CLSTN2: variants seen among roughly 807,000 people sequenced by gnomAD.
The protein encoded by CLSTN2 is calsyntenin-2.
Under a neutral mutation model 101.2 loss-of-function variants are expected in CLSTN2, and 48 were observed. The observed-to-expected ratio is 0.47, with a 90% confidence interval of 0.38 to 0.60. CLSTN2 has a LOEUF of 0.60. CLSTN2 is among the 20% of genes least tolerant of loss of function. The pLI, the probability that CLSTN2 is intolerant of heterozygous loss-of-function variation, is 0.00. For synonymous variants in CLSTN2, 481 were observed against 463.6 expected, an observed-to-expected ratio of 1.04 and a Z score of -0.48; for missense variants, 1,160 against 1,238.2, an observed-to-expected ratio of 0.94 and a Z score of 0.95.
intron 1 of CLSTN2, among the ~76,000 whole-genome samples, chr3:140,108,685 G>T (rs2009102803): frequency 6.6e-6 from 1 of 152,176 alleles, no homozygotes. Flanking sequence ...TTGCTGAGAT[G>T]CAGCTTGTTT....
intron 2 of CLSTN2, among the ~76,000 whole-genome samples, chr3:140,313,392 G>A (rs1384627398): frequency 1.3e-5 from 2 of 152,168 alleles, no homozygotes; most frequent in East Asian, 1.9e-4. Context: ...GAGGCTAAAA[G>A]GGGAGGAATT....
chr3:140,388,422 C>T (rs1293449894), intron 2 of CLSTN2, among the ~76,000 whole-genome samples: 1 of 152,164 alleles, frequency 6.6e-6, no homozygotes, highest in Non-Finnish European at 1.5e-5. Context: ...TGCTTTGTCC[C>T]CAGTGGACAA....
chr3:139,998,013 A>G (rs1377439705), intron 1 of CLSTN2, among the ~76,000 whole-genome samples: 1 of 152,208 alleles, frequency 6.6e-6, no homozygotes, highest in Non-Finnish European at 1.5e-5. Flanking sequence ...CTTCCCAGTC[A>G]GAGGTATATC....
chr3:140,214,237 CA>C (rs1353573017), intron 2 of CLSTN2, among the ~76,000 whole-genome samples: 9 of 151,972 alleles, frequency 5.9e-5, no homozygotes, highest in African/African-American at 1.9e-4. Flanking sequence ...GTCAAGAGTT[CA>C]AAACCAGCTT....
intron 2 of CLSTN2, among the ~76,000 whole-genome samples, chr3:140,293,535 A>G (rs548226065): frequency 2.0e-5 from 3 of 152,326 alleles, no homozygotes; most frequent in Admixed American, 2.0e-4. Context: ...ATGTCCCATG[A>G]TGATCATGAT....
At position 140,092,713 on chromosome 3, in the gene CLSTN2, G is replaced by A. The variant is rs528901186; in HGVS notation, c.110-83238G>A. ...TCTCAAACCTGATTCCTGTGGACTC[G>A]AGCAAGTTAATTACAACACGAGGGA... On this transcript the variant is annotated intron_variant, in intron 1 of 16. Coordinates refer to ENST00000458420, the MANE Select transcript of CLSTN2 (RefSeq NM_022131.3). Among the ~76,000 whole-genome samples the A allele has an allele frequency of 1.1e-4, 16 of 152,262 alleles. 1 individual carries two copies. Among genetic ancestry groups the A allele is most frequent in the Middle Eastern group, 3.4e-3 (1 of 294 alleles).
At chr3:139,990,287 A>G (rs1936094479) in intron 1 of CLSTN2, among the ~76,000 whole-genome samples, 1 of 152,206 alleles carries the variant, frequency 6.6e-6, no homozygotes, top group Non-Finnish European at 1.5e-5. Context: ...AGAAGGCCAG[A>G]TGGCTGCCAT....
chr3:140,298,071 T>C (rs2087020954), intron 2 of CLSTN2, among the ~76,000 whole-genome samples: 4 of 152,228 alleles, frequency 2.6e-5, no homozygotes, highest in Admixed American at 2.6e-4. Flanking sequence ...TTTACTAAGC[T>C]TCTGCTATGT....
intron 2 of CLSTN2, among the ~76,000 whole-genome samples, chr3:140,383,582 T>C (rs2088016156): frequency 6.6e-6 from 1 of 152,196 alleles, no homozygotes; most frequent in Non-Finnish European, 1.5e-5. Flanking sequence ...GTATACAGAA[T>C]TTCAGATCTT....
chr3:140,194,232 C>T (rs1348912945), intron 2 of CLSTN2, among the ~76,000 whole-genome samples: 2 of 152,004 alleles, frequency 1.3e-5, no homozygotes, highest in Admixed American at 1.3e-4. Context: ...CTGTCAGTGC[C>T]TGGTGAGGGC....
At chr3:140,349,670 T>C (rs2087585480) in intron 2 of CLSTN2, among the ~76,000 whole-genome samples, 1 of 152,206 alleles carries the variant, frequency 6.6e-6, no homozygotes, top group Non-Finnish European at 1.5e-5. Flanking sequence ...TGCTCAGACA[T>C]TTGAAAGTTC....
intron 1 of CLSTN2, among the ~76,000 whole-genome samples, chr3:140,046,370 A>G (rs149792673): frequency 0.013 from 1,927 of 152,094 alleles, 48 homozygotes; most frequent in African/African-American, 0.042. Flanking sequence ...TGCTTGGTGG[A>G]TCTTCCTCCA....
chr3:140,403,681 G>A lies in CLSTN2; in HGVS notation c.285G>A (p.Val95=), dbSNP rs770943686. 2 of 1,614,056 alleles carry A rather than the reference G, an allele frequency of 1.2e-6. No homozygotes were observed. Among genetic ancestry groups the A allele is most frequent in the East Asian group, 4.5e-5 (2 of 44,888 alleles). ...IHGQELPFEA[V]VLNKTSGEGR... is the part of the protein sequence containing the mutation. ...GCCAGGAGCTGCCCTTTGAGGCTGT[G>A]GTGCTCAACAAGACATCAGGAGAGG... The change falls in exon 3 of 17, where the codon GTG becomes GTA. Residue 95 remains valine, a synonymous_variant. Transcript: ENST00000458420.
chr3:140,382,894 C>T (rs1217220489), intron 2 of CLSTN2, among the ~76,000 whole-genome samples: 1 of 150,364 alleles, frequency 6.7e-6, no homozygotes, highest in Non-Finnish European at 1.5e-5. Flanking sequence ...CTTCCAAAGG[C>T]CTCACCTCTT....
At chr3:140,075,192 T>C (rs2008465843) in intron 1 of CLSTN2, among the ~76,000 whole-genome samples, 1 of 152,206 alleles carries the variant, frequency 6.6e-6, no homozygotes, top group Admixed American at 6.5e-5. Flanking sequence ...ATTTTATTAG[T>C]AGCAGCTTTA....
In CLSTN2 at chr3:140,558,780, G is replaced by A; in HGVS notation, c.1964G>A (p.Gly655Glu). ...GCTGCCCAGTTTGAAAGTGCCAGGG[G>A]AGTGACCCTCTTCCCTGATATCAAG... The part of the protein sequence containing the change: ...RPAAQFESAR[G>E]VTLFPDIKIV... The change falls in exon 12 of 17, where the codon GGA becomes GAA. Residue 655 changes from glycine to glutamate, a missense_variant. Physicochemically the swap from Gly to Glu is moderately conservative, Grantham distance 98. Coordinates refer to ENST00000458420, the MANE Select transcript of CLSTN2 (RefSeq NM_022131.3). The A allele has an allele frequency of 6.2e-7, 1 of 1,614,070 alleles. No individual in the cohort carries two copies.
At chr3:140,101,354 C>T (rs1011805055) in intron 1 of CLSTN2, among the ~76,000 whole-genome samples, 1 of 152,142 alleles carries the variant, frequency 6.6e-6, no homozygotes, top group Non-Finnish European at 1.5e-5. Flanking sequence ...ACTGCATATG[C>T]CAGTGTACAT....
chr3:140,083,648 C>G (rs866498458), intron 1 of CLSTN2, among the ~76,000 whole-genome samples: 8 of 152,194 alleles, frequency 5.3e-5, no homozygotes, highest in African/African-American at 1.2e-4. Context: ...AGAGGCAGAA[C>G]CTGGTGCTTG....
intron 2 of CLSTN2, among the ~76,000 whole-genome samples, chr3:140,242,207 C>A (rs1378270887): frequency 3.9e-5 from 6 of 152,102 alleles, no homozygotes; most frequent in African/African-American, 7.2e-5. Flanking sequence ...CCACTGCACC[C>A]AGCCACAGTA....
Sources: allele counts gnomAD v4.1 joint callset (sites outside exome capture counted in the v4.1 genomes callset), GRCh38; gene constraint gnomAD v4.1.1; transcripts MANE v1.5; gene names NCBI Gene and HGNC (gene_info 2026-07-23, HGNC 2026-07-21).